The following ZFHX3 variants were observed in gnomAD, a reference collection of about 807,000 sequenced individuals.
ZFHX3 encodes the protein zinc finger homeobox protein 3.
A neutral mutation model predicts 279.1 loss-of-function variants in ZFHX3; 42 were observed. The observed-to-expected ratio is 0.15, with a 90% CI of 0.12 to 0.19. The LOEUF (loss-of-function observed/expected upper bound fraction) is 0.19, where lower values mean the gene tolerates loss of function less well. ZFHX3 is among the 10% of genes least tolerant of loss of function. The pLI is 1.00. For synonymous variants in ZFHX3, 2,293 were observed against 1,957.8 expected (o/e 1.17, Z -4.52); for missense variants, 4,981 against 4,754.0 (o/e 1.05, Z -1.40).
At chr16:73,816,655 G>T (rs1396255233) in intron 1 of ZFHX3, among the ~76,000 whole-genome samples, 1 of 152,300 alleles carries the variant, frequency 6.6e-6, no homozygotes, top group Non-Finnish European at 1.5e-5. Flanking sequence ...AAGAGAGAGG[G>T]CTGAATCTCA....
chr16:73,633,852 T>C (rs2052501164), intron 2 of ZFHX3, among the ~76,000 whole-genome samples: 2 of 151,514 alleles, frequency 1.3e-5, no homozygotes, highest in East Asian at 3.9e-4. Context: ...GAGCCAAGAC[T>C]GTGCCACTGC....
chr16:73,781,082 G>C (rs1959453659), intron 1 of ZFHX3, among the ~76,000 whole-genome samples: 1 of 152,200 alleles, frequency 6.6e-6, no homozygotes, highest in Admixed American at 6.5e-5. Flanking sequence ...TGCTTGGGAA[G>C]ATGAGGAAAT....
intron 3 of ZFHX3, among the ~76,000 whole-genome samples, chr16:73,378,786 G>T (rs1024108243): frequency 2.0e-5 from 3 of 151,930 alleles, no homozygotes; most frequent in Non-Finnish European, 2.9e-5. Flanking sequence ...CTTTTCACTT[G>T]CTCAGTTTCT....
At chr16:72,920,477 C>T (rs771166263) in intron 3 of ZFHX3, among the ~76,000 whole-genome samples, 7 of 150,886 alleles carry the variant, frequency 4.6e-5, no homozygotes, top group African/African-American at 1.5e-4. Context: ...GTCAGAAGTT[C>T]GAGACCAGCC....
At chr16:73,819,382 C>T (rs1470508098) in intron 1 of ZFHX3, among the ~76,000 whole-genome samples, 1 of 151,286 alleles carries the variant, frequency 6.6e-6, no homozygotes, top group East Asian at 1.9e-4. Flanking sequence ...TCAAAAGTTA[C>T]AGCAGGCATT....
At chr16:73,889,593 T>C (rs1402598970) in intron 1 of ZFHX3, among the ~76,000 whole-genome samples, 1 of 152,206 alleles carries the variant, frequency 6.6e-6, no homozygotes, top group African/African-American at 2.4e-5. Flanking sequence ...GGGGCAATAA[T>C]GAACCGCATT....
intron 2 of ZFHX3, among the ~76,000 whole-genome samples, chr16:73,605,707 GAGAA>G (rs943121179): frequency 8.6e-5 from 13 of 151,990 alleles, no homozygotes; most frequent in Non-Finnish European, 1.0e-4. Context: ...GGGGGCTGGA[GAGAA>G]AGAATGATGT....
Position 73,625,663 on chromosome 16 carries a change from C to A in ZFHX3, c.-1547+54517G>T, listed in dbSNP as rs866023696. On this transcript the variant is annotated intron_variant, in intron 2 of 17. Coordinates refer to the ZFHX3 transcript ENST00000641206. ...GCCTCATTACTTAAAGTACAGTCTG[C>A]AGACCAGCGGCATTTGTGTCACTTG... Among the ~76,000 whole-genome samples the A allele has an allele frequency of 7.9e-5, 12 of 152,292 alleles. No individual in the cohort carries two copies. The East Asian group carries it at 2.1e-3, about 27-fold the overall frequency.
At chr16:73,318,829 G>A (rs183196363) in intron 3 of ZFHX3, among the ~76,000 whole-genome samples, 1 of 152,150 alleles carries the variant, frequency 6.6e-6, no homozygotes, top group African/African-American at 2.4e-5. Context: ...CAGGCCCCCT[G>A]AGCTAAACAA....
intron 3 of ZFHX3, among the ~76,000 whole-genome samples, chr16:73,425,569 A>T (rs12444755): frequency 1.3e-5 from 2 of 152,102 alleles, no homozygotes; most frequent in Non-Finnish European, 2.9e-5. Context: ...AGGTGTTTAT[A>T]GCCAGGAGTT....
In ZFHX3 at chr16:72,795,269, G is replaced by A; in HGVS notation, c.7413C>T (p.Leu2471=). The part of the protein sequence containing the change: ...EQKTNTPQQK[L]PQLVSLPSLP... Reference sequence around the variant, plus strand: ...ACGAAGGCAGGGACACCAGCTGGGGGAGCTTCTGCTGGGGAGTGTTGGTCT... The same window carrying A: ...ACGAAGGCAGGGACACCAGCTGGGGAAGCTTCTGCTGGGGAGTGTTGGTCT... The change falls in exon 9 of 10, where the codon CTC becomes CTT. Residue 2471 remains leucine (L), a synonymous_variant. Transcript: ENST00000268489. 6.2e-7 allele frequency: 1 copy of A among 1,612,988 alleles called. No homozygotes were observed. Among genetic ancestry groups the A allele is most frequent in the Non-Finnish European group, 8.5e-7 (1 of 1,179,316 alleles).
intron 2 of ZFHX3, among the ~76,000 whole-genome samples, chr16:73,553,171 T>A (rs1302344119): frequency 2.0e-5 from 3 of 150,316 alleles, no homozygotes; most frequent in African/African-American, 7.3e-5. Flanking sequence ...AATTGCTACC[T>A]GGAAAAGAAG....
intron 2 of ZFHX3, among the ~76,000 whole-genome samples, chr16:73,606,052 G>A (rs956291326): frequency 1.1e-4 from 16 of 151,108 alleles, no homozygotes; most frequent in East Asian, 2.0e-4. Flanking sequence ...GCGTGGTGGC[G>A]GGCACCTGTA....
intron 5 of ZFHX3, among the ~76,000 whole-genome samples, chr16:73,148,226 G>T (rs908380341): frequency 3.3e-5 from 5 of 152,182 alleles, no homozygotes; most frequent in Non-Finnish European, 7.3e-5. Context: ...TTTACCATTT[G>T]GCCCTTTATA....
At chr16:73,478,317 T>G (rs576869209) in intron 2 of ZFHX3, among the ~76,000 whole-genome samples, 15 of 148,220 alleles carry the variant, frequency 1.0e-4, no homozygotes, top group Non-Finnish European at 1.8e-4. Context: ...CCATATGACA[T>G]GCCTGAACAG....
chr16:73,175,343 G>A (rs1000249560), intron 5 of ZFHX3, among the ~76,000 whole-genome samples: 12 of 152,088 alleles, frequency 7.9e-5, no homozygotes, highest in South Asian at 2.1e-4. Context: ...TTGCACCACT[G>A]CACTCTAGCC....
chr16:72,907,967 G>T (rs1011229142), intron 3 of ZFHX3, among the ~76,000 whole-genome samples: 1 of 152,008 alleles, frequency 6.6e-6, no homozygotes, highest in Non-Finnish European at 1.5e-5. Flanking sequence ...TACAGCATTA[G>T]CCACCGTGCC....
At chr16:73,184,971 C>T (rs1007202827) in intron 5 of ZFHX3, among the ~76,000 whole-genome samples, 1 of 149,716 alleles carries the variant, frequency 6.7e-6, no homozygotes, top group Non-Finnish European at 1.5e-5. Context: ...AGTTAAGGAA[C>T]ATGCACCATC....
At chr16:73,297,763 C>A (rs1260806908) in intron 4 of ZFHX3, among the ~76,000 whole-genome samples, 2 of 152,020 alleles carry the variant, frequency 1.3e-5, no homozygotes. Flanking sequence ...GTTATAGAAC[C>A]TCTCTGAGCC....
Sources: gnomAD v4.1 joint callset for allele counts (sites outside exome capture counted in the v4.1 genomes callset) on GRCh38, gnomAD v4.1.1 for gene constraint, MANE v1.5 for transcripts, NCBI Gene and HGNC (gene_info 2026-07-23, HGNC 2026-07-21) for gene names.